AMZ1: variants seen among roughly 807,000 people sequenced by gnomAD.
AMZ1 encodes the protein archaemetzincin-1.
In AMZ1, 39 loss-of-function variants were observed where a neutral mutation model predicts 29.9. The observed-to-expected ratio is 1.30, with a 90% CI of 1.01 to 1.70. The LOEUF (loss-of-function observed/expected upper bound fraction) is 1.70. Ranked by LOEUF, AMZ1 falls within the 40% of genes most tolerant of loss-of-function variation. The pLI, the probability that AMZ1 is intolerant of heterozygous loss-of-function variation, is 0.00. For missense variants in AMZ1, 1,041 were observed against 680.6 expected (o/e 1.53, Z -5.89); for synonymous variants, 458 against 304.0 (o/e 1.51, Z -5.27).
At position 2,700,683 on chromosome 7, in the gene AMZ1, C is replaced by T; in HGVS notation, c.232C>T (p.Gln78Ter). 6.2e-7 allele frequency: 1 copy of T among 1,613,002 alleles called. No individual in the cohort carries two copies. Among genetic ancestry groups the T allele is most frequent in the Non-Finnish European group, 8.5e-7 (1 of 1,180,024 alleles). The stretch of plus-strand genomic sequence containing the variant: ...CCGACCCGAGGCTCCCGAGGACTTC[C>T]AGACCTTCCACGCCTCCCTGCAGCA... ...LSRPEAPEDF[Q>*]TFHASLQHRK... is the part of the protein sequence containing the mutation. Residue 78 changes from glutamine to a stop codon, truncating the protein, a stop_gained, in exon 2 of 7, where the codon CAG becomes TAG. Coordinates refer to ENST00000683327, the MANE Select transcript of AMZ1 (RefSeq NM_001384743.1). LOFTEE classifies it high-confidence loss of function.
chr7:2,733,611 T>A, intron 4 of AMZ1: 2 of 789,948 alleles, frequency 2.5e-6, no homozygotes, highest in Non-Finnish European at 4.4e-6. Flanking sequence ...TCCGTGTGAA[T>A]GGGAAAGCAA....
intron 3 of AMZ1, among the ~76,000 whole-genome samples, chr7:2,706,444 A>G (rs10950836): frequency 0.66 from 100,877 of 152,162 alleles, 34,614 homozygotes; most frequent in African/African-American, 0.84. Flanking sequence ...CCACAAACTG[A>G]GTGGCTTAGG....
intron 4 of AMZ1, among the ~76,000 whole-genome samples, chr7:2,732,149 G>T (rs1002451502): frequency 1.3e-5 from 2 of 152,306 alleles, no homozygotes; most frequent in East Asian, 3.9e-4. Flanking sequence ...TTTTGAATGT[G>T]ATGTAAATTC....
chr7:2,749,177 T>C (rs935572804), intron 4 of AMZ1, among the ~76,000 whole-genome samples: 4 of 150,048 alleles, frequency 2.7e-5, no homozygotes, highest in African/African-American at 4.8e-5. Flanking sequence ...ACCCAAAGGA[T>C]TATAAATCAT....
At chr7:2,712,010 G>C (rs907464875) in intron 6 of AMZ1, among the ~76,000 whole-genome samples, 3 of 152,088 alleles carry the variant, frequency 2.0e-5, no homozygotes, top group Non-Finnish European at 4.4e-5. Context: ...TCGCAGCACT[G>C]CACTCCAGCC....
upstream of AMZ1, chr7:2,762,415 C>T (rs1165337459): frequency 1.7e-5 from 8 of 480,032 alleles, no homozygotes; most frequent in East Asian, 2.4e-4. Flanking sequence ...AAAGCTTAGA[C>T]GTTAACTTGG....
chr7:2,731,377 A>T lies in AMZ1; in HGVS notation n.550+21561A>T. ...CTCCAGCCTGTGCGGGTCGCCCCTGAAGTCCGGGAAGTGCTTCTTGATGCT... is the reference window on the plus strand; with the variant it reads ...CTCCAGCCTGTGCGGGTCGCCCCTGTAGTCCGGGAAGTGCTTCTTGATGCT... On this transcript the variant is annotated intron_variant and non_coding_transcript_variant, in intron 4 of 4. Transcript: ENST00000489665. This position sits in a 1 kb window ranked among gnomAD's most constrained non-coding sequence, Gnocchi z 6.0. 6.2e-7 allele frequency: 1 copy of T among 1,613,332 alleles called. No individual in the cohort carries two copies. The highest frequency in any genetic ancestry group is 2.2e-5 in the East Asian group (1 of 44,836).
intron 4 of AMZ1, among the ~76,000 whole-genome samples, chr7:2,742,419 G>T (rs771041750): frequency 6.6e-6 from 1 of 152,246 alleles, no homozygotes; most frequent in South Asian, 2.1e-4. Flanking sequence ...TTTCCAGTCA[G>T]TGCCACTCCA....
At chr7:2,724,984 A>G (rs183201881) in intron 4 of AMZ1, among the ~76,000 whole-genome samples, 31 of 151,204 alleles carry the variant, frequency 2.1e-4, no homozygotes, top group Middle Eastern at 3.4e-3. Flanking sequence ...ACTGTGGTCT[A>G]TTTCTGAGTT....
At chr7:2,701,788 C>T (rs1310724084) in intron 2 of AMZ1, among the ~76,000 whole-genome samples, 1 of 152,250 alleles carries the variant, frequency 6.6e-6, no homozygotes, top group Non-Finnish European at 1.5e-5. Flanking sequence ...GTCACCAGCC[C>T]TGGTGGTCCA....
intron 1 of AMZ1, among the ~76,000 whole-genome samples, chr7:2,682,011 G>T (rs1375240398): frequency 6.6e-6 from 1 of 152,186 alleles, no homozygotes; most frequent in Non-Finnish European, 1.5e-5. Context: ...TTTATGTGCT[G>T]GGGCTGTCAC....
chr7:2,725,002 C>T (rs1168491216), intron 4 of AMZ1, among the ~76,000 whole-genome samples: 1 of 152,210 alleles, frequency 6.6e-6, no homozygotes, highest in South Asian at 2.1e-4. Flanking sequence ...GTTCTACCCA[C>T]TTCCTACCCC....
chr7:2,708,677 G>T lies in AMZ1; in HGVS notation c.562G>T (p.Ala188Ser), dbSNP rs1224574575. The T allele has an allele frequency of 3.1e-6, 5 of 1,613,012 alleles. No individual in the cohort carries two copies. The highest frequency in any genetic ancestry group is 2.7e-5 in the African/African-American group (2 of 74,918). ...ACTGTCTGACCTGTACCCCCATGAG[G>T]CCTGGAGCTTCACCTTCAGCAAGTT... ...LTLSDLYPHE[A>S]WSFTFSKFLP... is the part of the protein sequence containing the mutation. The change falls in exon 4 of 7, where the codon GCC becomes TCC. Residue 188 changes from alanine (A) to serine (S), a missense_variant. Ala to Ser is a moderately conservative substitution (Grantham distance 99). Transcript: ENST00000683327.
At position 2,719,151 on chromosome 7, in the gene AMZ1, G is replaced by A. The variant is rs112715629; in HGVS notation, c.*6273G>A. On this transcript the variant is annotated 3_prime_UTR_variant, in exon 7 of 7. Coordinates refer to ENST00000683327, the MANE Select transcript of AMZ1 (RefSeq NM_001384743.1). ...GGCCTTTACTGGATGGGCAGGATGC[G>A]GGCAGCAGCTTTGTCGGCTGCCAAC... 1.4e-4 allele frequency among the ~76,000 whole-genome samples: 21 copies of A among 152,270 alleles called. No homozygotes were observed. Among genetic ancestry groups the A allele is most frequent in the African/African-American group, 3.8e-4 (16 of 41,560 alleles).
chr7:2,734,748 C>G (rs752547158), intron 4 of AMZ1, among the ~76,000 whole-genome samples: 1 of 152,206 alleles, frequency 6.6e-6, no homozygotes, highest in African/African-American at 2.4e-5. Context: ...CAGAAACACA[C>G]GTCTCCCCAT....
At chr7:2,730,595 A>T (rs1789838720) in intron 4 of AMZ1, 1 of 152,462 alleles carries the variant, frequency 6.6e-6, no homozygotes, top group Non-Finnish European at 1.5e-5. Context: ...TCGGCACGGG[A>T]GTTTGAAAAG....
rs376200739 is a variant in AMZ1 at position 2,708,727 on chromosome 7, G to A, written c.601+11G>A. On this transcript the variant is annotated intron_variant, in intron 4 of 6. Transcript: ENST00000683327. The stretch of plus-strand genomic sequence containing the variant: ...TCCTTCCAGGGCACGGTGAGCCGGG[G>A]CCCCAGCAGCTGTGCGTGGGGGGTA... 6.2e-6 allele frequency: 10 copies of A among 1,611,930 alleles called. No homozygotes were observed. The African/African-American group carries it at 1.3e-4, about 22-fold the overall frequency.
At chr7:2,745,733 TAA>T (rs1790733486) in intron 4 of AMZ1, among the ~76,000 whole-genome samples, 1 of 152,096 alleles carries the variant, frequency 6.6e-6, no homozygotes, top group Non-Finnish European at 1.5e-5. Flanking sequence ...GCAAATTGGA[TAA>T]AGAGTCAAGA....
chr7:2,756,931 G>A (rs1209929143), intron 4 of AMZ1, among the ~76,000 whole-genome samples: 10 of 150,930 alleles, frequency 6.6e-5, no homozygotes, highest in Non-Finnish European at 1.0e-4. Context: ...AAAAGTAGCC[G>A]GGTGTGGTGG....
Sources: gnomAD v4.1 joint callset for allele counts (sites outside exome capture counted in the v4.1 genomes callset) on GRCh38, gnomAD v4.1.1 for gene constraint, Gnocchi (gnomAD v3.1) non-coding constraint, MANE v1.5 for transcripts, NCBI Gene and HGNC (gene_info 2026-07-23, HGNC 2026-07-21) for gene names.